SCYL3: variants seen among roughly 807,000 people sequenced by gnomAD.
SCYL3 encodes SCY1 like pseudokinase 3, also known as protein-associating with the carboxyl-terminal domain of ezrin.
SCYL3 carries 35 observed loss-of-function variants against 73.8 expected under a neutral mutation model. The ratio of observed to expected loss-of-function variants is 0.47; its 90% CI spans 0.36 to 0.63. The LOEUF is 0.63. Among genes scored for constraint, SCYL3 ranks in the 20% least tolerant of loss-of-function variants. SCYL3 has a pLI of 0.00. For synonymous variants in SCYL3, 277 were observed against 295.2 expected, an observed-to-expected ratio of 0.94 and a Z score of 0.63; for missense variants, 712 against 798.9, an observed-to-expected ratio of 0.89 and a Z score of 1.31.
At chr1:169,865,308 T>C (rs1659962827) in intron 8 of SCYL3, among the ~76,000 whole-genome samples, 1 of 152,290 alleles carries the variant, frequency 6.6e-6, no homozygotes, top group African/African-American at 2.4e-5. Flanking sequence ...TATCCTTGCC[T>C]CCTACTTTAT....
intron 10 of SCYL3, among the ~76,000 whole-genome samples, chr1:169,862,140 T>TA (rs2102149842): frequency 6.6e-6 from 1 of 152,362 alleles, no homozygotes; most frequent in Non-Finnish European, 1.5e-5. Context: ...TAATTTGTGA[T>TA]AATTTGTTAT....
At chr1:169,874,804 G>C (rs1660683529) in intron 4 of SCYL3, among the ~76,000 whole-genome samples, 1 of 152,168 alleles carries the variant, frequency 6.6e-6, no homozygotes, top group South Asian at 2.1e-4. Context: ...GTGTGCACCT[G>C]TGGTCCCAGC....
intron 10 of SCYL3, 125 bp downstream of exon 10, chr1:169,862,487 CT>C: frequency 1.0e-6 from 1 of 972,386 alleles, no homozygotes; most frequent in Non-Finnish European, 1.5e-6. Flanking sequence ...AATTTCAGCA[CT>C]TTGTATTCCA....
intron 10 of SCYL3, among the ~76,000 whole-genome samples, chr1:169,862,284 CCT>C (rs1659704166): frequency 6.6e-6 from 1 of 152,128 alleles, no homozygotes; most frequent in South Asian, 2.1e-4. Context: ...ATCTCATGCT[CCT>C]CTCTGTTCTA....
chr1:169,866,849 A>G lies in SCYL3; in HGVS notation c.815+47T>C, dbSNP rs111580595. 3.6e-5 allele frequency: 37 copies of G among 1,036,584 alleles called. 1 individual carries two copies. Among genetic ancestry groups the G allele is most frequent in the African/African-American group, 3.3e-4 (21 of 62,794 alleles). The allele number at this position is 1,036,584 out of a possible 1,614,324, so 64.2% of individuals were successfully genotyped here. On this transcript the variant is annotated intron_variant, in intron 8 of 12. Transcript: ENST00000367771. ...TAGAATACCTAAAGTGATTATATGG[A>G]CTTAATCCAAGTTATTCAATTTAAA...
Position 169,871,304 on chromosome 1 carries a change from C to T in SCYL3, c.523-947G>A, listed in dbSNP as rs58764600. Among the ~76,000 whole-genome samples, 1,521 of 152,262 alleles carry T rather than the reference C, an allele frequency of 1.0e-2. 25 individuals carry two copies. The highest frequency in any genetic ancestry group is 0.034 in the African/African-American group (1,412 of 41,524). ...TTATGGGGGGCAGGTCTTTCCTGCC[C>T]TGTTCTCATGATAGTGAATGGGCCT... is the stretch of plus-strand genomic sequence containing the variant. On this transcript the variant is annotated intron_variant, in intron 5 of 12. Transcript: ENST00000367771.
intron 11 of SCYL3, among the ~76,000 whole-genome samples, chr1:169,857,060 G>T (rs972517197): frequency 6.6e-5 from 10 of 152,178 alleles, no homozygotes; most frequent in African/African-American, 2.2e-4. Flanking sequence ...AAAAATTCTT[G>T]TAAGACCAGA....
chr1:169,877,749 A>C (rs879737889), intron 3 of SCYL3, among the ~76,000 whole-genome samples: 2 of 152,188 alleles, frequency 1.3e-5, no homozygotes, highest in Non-Finnish European at 2.9e-5. Context: ...TACTGTACAA[A>C]CTTTTTAACC....
chr1:169,865,672 T>TTC (rs1659985966), intron 8 of SCYL3, among the ~76,000 whole-genome samples: 1 of 152,226 alleles, frequency 6.6e-6, no homozygotes, highest in African/African-American at 2.4e-5. Context: ...TCCAGTGTCT[T>TTC]TCTCACCTTC....
At chr1:169,864,684 G>C (rs1659903548) in intron 8 of SCYL3, among the ~76,000 whole-genome samples, 176 bp from the exon 9 acceptor site, 3 of 152,154 alleles carry the variant, frequency 2.0e-5, no homozygotes, top group Admixed American at 6.6e-5. Context: ...GCGTGGCTGG[G>C]TGCAGTGGCT....
In SCYL3 at chr1:169,873,681, A is replaced by G; in HGVS notation, c.522+15T>C. 1.9e-6 allele frequency: 3 copies of G among 1,564,814 alleles called. No homozygotes were observed. Among genetic ancestry groups the G allele is most frequent in the Non-Finnish European group, 2.6e-6 (3 of 1,143,514 alleles). On this transcript the variant is annotated intron_variant, in intron 5 of 12. Transcript: ENST00000367771. Reference sequence around the variant, plus strand: ...ACAAAGGCACCTTCATTATATGTGAAGTATATCATCTTACCATCTCTTCAG... The same window carrying G: ...ACAAAGGCACCTTCATTATATGTGAGGTATATCATCTTACCATCTCTTCAG...
Position 169,876,105 on chromosome 1 carries a change from A to C in SCYL3, c.352-14T>G. The C allele has an allele frequency of 6.7e-7, 1 of 1,491,564 alleles. No homozygotes were observed. The highest frequency in any genetic ancestry group is 9.1e-7 in the Non-Finnish European group (1 of 1,096,724). The allele number at this position is 1,491,564 out of a possible 1,614,324, so 92.4% of individuals were successfully genotyped here. Reference sequence around the variant, plus strand: ...TGTTAGGTGTCCCTGGAAAAAAAAAAGAACAGAAGGAAGAGTGCCACTCCA... The same window carrying C: ...TGTTAGGTGTCCCTGGAAAAAAAAACGAACAGAAGGAAGAGTGCCACTCCA... On this transcript the variant is annotated splice_polypyrimidine_tract_variant and intron_variant, in intron 3 of 12. Coordinates refer to ENST00000367771, the MANE Select transcript of SCYL3 (RefSeq NM_020423.7).
chr1:169,870,979 T>G (rs1660350521), intron 5 of SCYL3, among the ~76,000 whole-genome samples: 1 of 152,200 alleles, frequency 6.6e-6, no homozygotes, highest in Non-Finnish European at 1.5e-5. Context: ...AAGAACAAAT[T>G]TATAGAAGGA....
At chr1:169,883,105 C>T (rs1331323007) in intron 2 of SCYL3, among the ~76,000 whole-genome samples, 2 of 152,116 alleles carry the variant, frequency 1.3e-5, no homozygotes, top group Non-Finnish European at 2.9e-5. Flanking sequence ...GACCACGAAC[C>T]CCACCAGAAG....
intron 10 of SCYL3, chr1:169,860,057 T>G (rs1281055676): frequency 6.7e-6 from 1 of 148,542 alleles, no homozygotes; most frequent in East Asian, 2.0e-4. Context: ...ATCTCTAAAA[T>G]AATTTTTTTT....
intron 10 of SCYL3, among the ~76,000 whole-genome samples, chr1:169,861,928 C>T (rs1327793323): frequency 1.1e-4 from 16 of 152,034 alleles, no homozygotes; most frequent in Non-Finnish European, 1.5e-5. Context: ...AAGAAGGCCA[C>T]GTGACAACAG....
At chr1:169,854,166 C>T (rs1658878784) in intron 12 of SCYL3, 104 bp downstream of exon 12, 1 of 907,464 alleles carries the variant, frequency 1.1e-6, no homozygotes, top group Non-Finnish European at 1.6e-6. Context: ...CTTGACTTGA[C>T]TAGGAAAATA....
intron 3 of SCYL3, among the ~76,000 whole-genome samples, chr1:169,877,559 A>G (rs1660939057): frequency 6.6e-6 from 1 of 152,270 alleles, no homozygotes; most frequent in African/African-American, 2.4e-5. Flanking sequence ...GGTTTAGAAT[A>G]GTGTGTATAG....
At position 169,851,338 on chromosome 1, in the gene SCYL3, T is replaced by G. The variant is rs189497265; in HGVS notation, c.*2375A>C. On this transcript the variant is annotated 3_prime_UTR_variant, in exon 13 of 13. Coordinates refer to ENST00000367771, the MANE Select transcript of SCYL3 (RefSeq NM_020423.7). ...ATTTTTTTAGGTGAAATGGGCCCAC[T>G]TGACTCACTGAACTTTATTTTTTAG... 9.4e-4 allele frequency: 143 copies of G among 152,828 alleles called. No individual in the cohort carries two copies. The highest frequency in any genetic ancestry group is 3.3e-3 in the African/African-American group (137 of 41,522). The allele number at this position is 152,828 out of a possible 1,614,324, so 9.5% of individuals were successfully genotyped here. A position where few individuals can be genotyped will look rare whatever the true frequency, so the allele number is the denominator to read the frequency against.
Sources: gnomAD v4.1 joint callset for allele counts (sites outside exome capture counted in the v4.1 genomes callset) on GRCh38, gnomAD v4.1.1 for gene constraint, MANE v1.5 for transcripts, NCBI Gene and HGNC (gene_info 2026-07-23, HGNC 2026-07-21) for gene names.